Variants in ITSN1 observed in about 807,000 individuals in gnomAD.
ITSN1 encodes the protein intersectin 1, also known as intersectin-1.
Under a neutral mutation model 239.8 loss-of-function variants are expected in ITSN1, and 58 were observed. The observed-to-expected ratio is 0.24, with a 90% CI of 0.20 to 0.30. The LOEUF is 0.30. Ranked by LOEUF, ITSN1 falls within the 10% of genes least tolerant of loss-of-function variation. ITSN1 has a pLI of 1.00. For synonymous variants in ITSN1, 780 were observed against 770.8 expected (o/e 1.01, Z -0.20); for missense variants, 1,558 against 2,103.3 (o/e 0.74, Z 5.07).
intron 11 of ITSN1, among the ~76,000 whole-genome samples, chr21:33,770,104 C>T (rs2069032630): frequency 6.6e-6 from 1 of 151,952 alleles, no homozygotes; most frequent in South Asian, 2.1e-4. Context: ...GCTCTTGTTG[C>T]CCAGGCTGGA....
chr21:33,733,182 A>G (rs991593416), intron 4 of ITSN1, among the ~76,000 whole-genome samples: 1 of 152,218 alleles, frequency 6.6e-6, no homozygotes, highest in African/African-American at 2.4e-5. Flanking sequence ...TGATCAAATC[A>G]TTGTAATATT....
At chr21:33,704,253 A>G (rs914918185) in intron 1 of ITSN1, among the ~76,000 whole-genome samples, 2 of 152,180 alleles carry the variant, frequency 1.3e-5, no homozygotes, top group Non-Finnish European at 2.9e-5. Flanking sequence ...CTTATATGTC[A>G]GCATTCTATT....
chr21:33,827,029 A>T (rs1305871164), intron 26 of ITSN1, among the ~76,000 whole-genome samples, 166 bp downstream of exon 26: 1 of 152,250 alleles, frequency 6.6e-6, no homozygotes, highest in Non-Finnish European at 1.5e-5. Flanking sequence ...TTACTTGGTT[A>T]TGAGATTTGT....
intron 39 of ITSN1, among the ~76,000 whole-genome samples, chr21:33,886,769 C>T (rs1435758538): frequency 6.6e-6 from 1 of 152,192 alleles, no homozygotes; most frequent in Non-Finnish European, 1.5e-5. Context: ...CATAGTTCTT[C>T]AGTCCTTGGC....
intron 32 of ITSN1, among the ~76,000 whole-genome samples, chr21:33,866,138 T>A (rs1405587804): frequency 1.3e-5 from 2 of 152,082 alleles, no homozygotes; most frequent in East Asian, 3.9e-4. Flanking sequence ...TGTCCTAGAG[T>A]GGTGCTTGTG....
intron 9 of ITSN1, among the ~76,000 whole-genome samples, chr21:33,765,358 C>T (rs1412030906): frequency 6.6e-6 from 1 of 152,184 alleles, no homozygotes; most frequent in Admixed American, 6.5e-5. Context: ...ATTAGCTAGG[C>T]ATGGTGGCGC....
intron 16 of ITSN1, among the ~76,000 whole-genome samples, chr21:33,788,662 G>A (rs749836228): frequency 1.3e-5 from 2 of 152,054 alleles, no homozygotes; most frequent in Admixed American, 6.5e-5. Context: ...ACTTCATCAC[G>A]GCAGAGGATG....
intron 1 of ITSN1, among the ~76,000 whole-genome samples, chr21:33,709,072 C>G (rs2092335734): frequency 6.6e-6 from 1 of 152,128 alleles, no homozygotes; most frequent in Non-Finnish European, 1.5e-5. Flanking sequence ...ATCTTGAAAT[C>G]AGGGTAAATC....
intron 38 of ITSN1, 53 bp from the exon 39 acceptor site, chr21:33,886,234 G>T: frequency 1.4e-6 from 2 of 1,386,672 alleles, no homozygotes; most frequent in South Asian, 1.3e-5. Context: ...AAAAAGAGTG[G>T]AGATCAAAAT....
At chr21:33,803,999 C>T (rs560317988) in intron 20 of ITSN1, among the ~76,000 whole-genome samples, 1 of 152,236 alleles carries the variant, frequency 6.6e-6, no homozygotes, top group East Asian at 1.9e-4. Flanking sequence ...ATATTGACAT[C>T]TAATAGCAAC....
intron 34 of ITSN1, among the ~76,000 whole-genome samples, chr21:33,879,306 G>C (rs528594254): frequency 6.6e-6 from 1 of 152,076 alleles, no homozygotes; most frequent in South Asian, 2.1e-4. Flanking sequence ...AGCCATGATC[G>C]CACCACTATA....
intron 28 of ITSN1, 148 bp downstream of exon 28, chr21:33,834,572 T>C: frequency 1.5e-6 from 1 of 652,576 alleles, no homozygotes; most frequent in Non-Finnish European, 2.8e-6. Context: ...CCAACTAATG[T>C]GATATGGAAT....
intron 17 of ITSN1, among the ~76,000 whole-genome samples, chr21:33,796,496 C>T (rs1027157887): frequency 1.3e-5 from 2 of 152,082 alleles, no homozygotes; most frequent in African/African-American, 4.8e-5. Context: ...ATTATGTTCC[C>T]GTGGCAGATT....
At chr21:33,840,402 C>A (rs2074781521) in intron 29 of ITSN1, among the ~76,000 whole-genome samples, 1 of 151,896 alleles carries the variant, frequency 6.6e-6, no homozygotes, top group Non-Finnish European at 1.5e-5. Flanking sequence ...CTTACTCTGT[C>A]ACCCAGGCTG....
At chr21:33,776,580 G>T (rs1488332895) in intron 14 of ITSN1, among the ~76,000 whole-genome samples, 1 of 151,274 alleles carries the variant, frequency 6.6e-6, no homozygotes, top group African/African-American at 2.4e-5. Flanking sequence ...AAAGAGAAAG[G>T]AAAGAAAGAG....
At chr21:33,743,058 A>G (rs1038842872) in intron 5 of ITSN1, among the ~76,000 whole-genome samples, 8 of 152,256 alleles carry the variant, frequency 5.3e-5, no homozygotes, top group African/African-American at 1.9e-4. Flanking sequence ...GGTGACAGAA[A>G]GAATGAGAAA....
At chr21:33,676,723 C>T (rs2090617552) in intron 1 of ITSN1, among the ~76,000 whole-genome samples, 1 of 152,210 alleles carries the variant, frequency 6.6e-6, no homozygotes, top group South Asian at 2.1e-4. Context: ...CTAAGTGTCA[C>T]ACTGTTCTGA....
chr21:33,716,928 T>A (rs1426040568), intron 1 of ITSN1, among the ~76,000 whole-genome samples: 1 of 139,134 alleles, frequency 7.2e-6, no homozygotes, highest in East Asian at 2.1e-4. Flanking sequence ...AAAGCAAGAC[T>A]CCGTCTCAAA....
At chr21:33,774,533 A>G (rs1354605998) in intron 12 of ITSN1, 196 bp from the exon 13 acceptor site, 1 of 522,590 alleles carries the variant, frequency 1.9e-6, no homozygotes, top group Non-Finnish European at 3.4e-6. Context: ...TATAATACCC[A>G]GTTCTGTGTA....
Sources: allele counts gnomAD v4.1 joint callset (sites outside exome capture counted in the v4.1 genomes callset), GRCh38; gene constraint gnomAD v4.1.1; transcripts MANE v1.5; gene names NCBI Gene and HGNC (gene_info 2026-07-23, HGNC 2026-07-21).